Variants in FRS2 observed in about 807,000 individuals in gnomAD.
FRS2 encodes fibroblast growth factor receptor substrate 2, also known as FGFR signalling adaptor.
A neutral mutation model predicts 43.9 loss-of-function variants in FRS2; 8 were observed. The observed-to-expected ratio is 0.18, with a 90% CI of 0.11 to 0.33. The LOEUF is 0.33. Ranked by LOEUF, FRS2 falls within the 10% of genes least tolerant of loss-of-function variation. The probability of loss-of-function intolerance (pLI) is 1.00; values close to 1 mark genes in which losing one functional copy is unlikely to be tolerated. For synonymous variants in FRS2, 219 were observed against 220.3 expected (o/e 0.99, Z 0.05); for missense variants, 534 against 627.6 (o/e 0.85, Z 1.59).
At chr12:69,523,953 G>A (rs528812831) in intron 1 of FRS2, among the ~76,000 whole-genome samples, 4 of 152,336 alleles carry the variant, frequency 2.6e-5, no homozygotes, top group East Asian at 1.9e-4. Flanking sequence ...CCTTGTACTC[G>A]TTTGCACGTG....
At chr12:69,487,418 T>G (rs1026566429) in intron 1 of FRS2, among the ~76,000 whole-genome samples, 16 of 152,318 alleles carry the variant, frequency 1.1e-4, no homozygotes, top group African/African-American at 3.6e-4. Flanking sequence ...GCTTTATGAA[T>G]GGAACAATAA....
At chr12:69,531,088 G>A (rs1453601329) in intron 2 of FRS2, 128 bp downstream of exon 2, 1 of 151,838 alleles carries the variant, frequency 6.6e-6, no homozygotes, top group Non-Finnish European at 1.5e-5. Flanking sequence ...CCAACACTTT[G>A]GGAGGCCGAG....
At chr12:69,471,080 A>T (rs183169025) in intron 1 of FRS2, among the ~76,000 whole-genome samples, 104 of 152,132 alleles carry the variant, frequency 6.8e-4, no homozygotes, top group Middle Eastern at 3.4e-3. Context: ...TCCGGGATCG[A>T]TTTGGACTGG....
At position 69,562,695 on chromosome 12, in the gene FRS2, T is replaced by A. The variant is rs532317504; in HGVS notation, c.-27+421T>A. ...TTTTAATTTAATTTAATTTTAATTT[T>A]ATTTTATTTTTTGAGACAGAGCCTT... On this transcript the variant is annotated intron_variant, in intron 4 of 8. Transcript: ENST00000549921. Among the ~76,000 whole-genome samples, 489 of 152,296 alleles carry A rather than the reference T, an allele frequency of 3.2e-3. 1 individual carries two copies. Among genetic ancestry groups the A allele is most frequent in the African/African-American group, 7.4e-3 (308 of 41,566 alleles).
chr12:69,560,823 AGAGCTTAATGAGTTGGTACACT>A (rs1879815345), intron 3 of FRS2, among the ~76,000 whole-genome samples: 1 of 152,192 alleles, frequency 6.6e-6, no homozygotes, highest in Non-Finnish European at 1.5e-5. Context: ...AATGTTTTTA[AGAGCTTAATGAGTTGGTACACT>A]GATTCTTTAA....
Position 69,574,317 on chromosome 12 carries a change from G to A in FRS2, c.889G>A (p.Asp297Asn), listed in dbSNP as rs1881017793. ...TGGCTATGACAGTGATGAACGAAGAGATGCACCCTCTGTTAACAAACTGGT... is the reference window on the plus strand; with the variant it reads ...TGGCTATGACAGTGATGAACGAAGAAATGCACCCTCTGTTAACAAACTGGT... ...DTGYDSDERR[D>N]APSVNKLVYE... Residue 297 changes from aspartate (D) to asparagine (N), a missense_variant, in exon 9 of 9, where the codon GAT becomes AAT. By Grantham distance (23) the Asp-to-Asn change is conservative (BLOSUM62 1). Coordinates refer to ENST00000549921, the MANE Select transcript of FRS2 (RefSeq NM_001278356.2). 1 of 1,614,030 alleles carries A rather than the reference G, an allele frequency of 6.2e-7. No individual in the cohort carries two copies.
rs182155070 is a variant in FRS2, at chr12:69,541,291, G to A, written c.-122+9235G>A. Among the ~76,000 whole-genome samples, 214 of 152,166 alleles carry A rather than the reference G, an allele frequency of 1.4e-3. 2 individuals carry two copies. Among genetic ancestry groups the A allele is most frequent in the African/African-American group, 4.8e-3 (200 of 41,516 alleles). Reference sequence around the variant, plus strand: ...ATGTTGCATTTGCTGCCATCTGAAGGCCTACTCACACAAATGGTAGAAAGT... The same window carrying A: ...ATGTTGCATTTGCTGCCATCTGAAGACCTACTCACACAAATGGTAGAAAGT... On this transcript the variant is annotated intron_variant, in intron 3 of 8. Coordinates refer to ENST00000549921, the MANE Select transcript of FRS2 (RefSeq NM_001278356.2).
At chr12:69,500,162 T>C (rs915248125) in intron 1 of FRS2, among the ~76,000 whole-genome samples, 5 of 152,184 alleles carry the variant, frequency 3.3e-5, no homozygotes, top group Non-Finnish European at 5.9e-5. Flanking sequence ...GTATTAACTT[T>C]TAGATAGATG....
chr12:69,571,723 G>C (rs978192955), intron 7 of FRS2, among the ~76,000 whole-genome samples: 1 of 152,110 alleles, frequency 6.6e-6, no homozygotes, highest in Non-Finnish European at 1.5e-5. Context: ...AATTAGCCGG[G>C]CGTGGTGGTG....
At chr12:69,493,805 C>T (rs1024093328) in intron 1 of FRS2, among the ~76,000 whole-genome samples, 5 of 152,164 alleles carry the variant, frequency 3.3e-5, no homozygotes, top group Admixed American at 1.3e-4. Flanking sequence ...GATGTTTGTG[C>T]GTTAAGTGTA....
intron 3 of FRS2, among the ~76,000 whole-genome samples, chr12:69,549,237 C>G (rs1813919125): frequency 6.6e-6 from 1 of 152,036 alleles, no homozygotes; most frequent in Admixed American, 6.6e-5. Flanking sequence ...TTTGGACTTA[C>G]AAAGTTAAAA....
chr12:69,520,080 ACTT>A (rs761943912), intron 1 of FRS2, among the ~76,000 whole-genome samples: 1 of 152,018 alleles, frequency 6.6e-6, no homozygotes, highest in Non-Finnish European at 1.5e-5. Flanking sequence ...TTATTTCTTG[ACTT>A]CTTAATAATA....
chr12:69,477,225 T>C (rs1216075019), intron 1 of FRS2, among the ~76,000 whole-genome samples: 1 of 151,894 alleles, frequency 6.6e-6, no homozygotes, highest in Non-Finnish European at 1.5e-5. Context: ...TTTATATAAA[T>C]GTTGCATTTT....
intron 3 of FRS2, among the ~76,000 whole-genome samples, chr12:69,561,432 C>T (rs2135776679): frequency 6.6e-6 from 1 of 152,248 alleles, no homozygotes; most frequent in Admixed American, 6.5e-5. Flanking sequence ...TGAGACTATT[C>T]CCATAACCCC....
chr12:69,573,941 C>G, intron 8 of FRS2, 64 bp from the exon 9 acceptor site: 1 of 1,040,544 alleles, frequency 9.6e-7, no homozygotes, highest in Middle Eastern at 2.3e-4. Flanking sequence ...CTGATGTGGT[C>G]AGGCTTTTTT....
In FRS2 at chr12:69,579,098, C is replaced by T. The variant is rs1192830735; in HGVS notation, c.*4143C>T. 1 of 152,630 alleles carries T rather than the reference C, an allele frequency of 6.6e-6. No individual in the cohort carries two copies. Among genetic ancestry groups the T allele is most frequent in the African/African-American group, 2.4e-5 (1 of 41,446 alleles). 9.5% of individuals were successfully genotyped at this position (152,630 alleles called of 1,614,324 possible). On this transcript the variant is annotated 3_prime_UTR_variant, in exon 9 of 9. Transcript: ENST00000549921. ...CAACATAATTTTCCCTCTATCCCTT[C>T]CCACCCTTTGTTCTCTATTTCTCCC...
chr12:69,530,160 A>T (rs573758567), intron 1 of FRS2, among the ~76,000 whole-genome samples: 1 of 151,538 alleles, frequency 6.6e-6, no homozygotes, highest in East Asian at 1.9e-4. Context: ...ATAATTGCTT[A>T]TAACAATTAA....
intron 1 of FRS2, among the ~76,000 whole-genome samples, chr12:69,489,264 G>A (rs1033915858): frequency 2.0e-5 from 3 of 152,142 alleles, no homozygotes; most frequent in African/African-American, 7.2e-5. Flanking sequence ...AGTGTTTGGG[G>A]TAGAGTTCTG....
At chr12:69,571,630 G>T (rs910786664) in intron 7 of FRS2, among the ~76,000 whole-genome samples, 196 bp downstream of exon 7, 4 of 152,232 alleles carry the variant, frequency 2.6e-5, no homozygotes, top group Non-Finnish European at 5.9e-5. Flanking sequence ...GGGAGGCTGA[G>T]GCGGGCAGAT....
Sources: gnomAD v4.1 joint callset for allele counts (sites outside exome capture counted in the v4.1 genomes callset) on GRCh38, gnomAD v4.1.1 for gene constraint, MANE v1.5 for transcripts, NCBI Gene and HGNC (gene_info 2026-07-23, HGNC 2026-07-21) for gene names.